Variants in KCNT2 observed in about 807,000 individuals in gnomAD.
KCNT2 encodes potassium channel subfamily T member 2.
KCNT2 carries 67 observed loss-of-function variants against 153.8 expected under a neutral mutation model. That is an observed-to-expected ratio of 0.44 (90% CI 0.36 to 0.53). The LOEUF is 0.53. KCNT2 is among the 20% of genes least tolerant of loss of function. The pLI is 0.00. For missense variants in KCNT2, 975 were observed against 1,354.8 expected, an observed-to-expected ratio of 0.72 and a Z score of 4.40; for synonymous variants, 500 against 458.8, an observed-to-expected ratio of 1.09 and a Z score of -1.15.
Position 196,531,045 on chromosome 1 carries a change from A to C in KCNT2, c.96-38704T>G, listed in dbSNP as rs145567230. Among the ~76,000 whole-genome samples, 256 of 152,242 alleles carry C rather than the reference A, an allele frequency of 1.7e-3. 1 individual carries two copies. The highest frequency in any genetic ancestry group is 5.9e-3 in the African/African-American group (245 of 41,562). ...GTAAATAGTAATTTTACACAACATA[A>C]GTTCTTGAACTTATCACTGCCCGGA... On this transcript the variant is annotated intron_variant, in intron 1 of 27. Transcript: ENST00000294725.
intron 1 of KCNT2, among the ~76,000 whole-genome samples, chr1:196,574,454 G>T (rs1299969500): frequency 3.3e-5 from 5 of 151,694 alleles, no homozygotes; most frequent in Non-Finnish European, 7.4e-5. Flanking sequence ...CAACTAACCA[G>T]GAAGTAGGTA....
intron 1 of KCNT2, among the ~76,000 whole-genome samples, chr1:196,596,005 C>T (rs534242625): frequency 6.7e-6 from 1 of 148,354 alleles, no homozygotes; most frequent in South Asian, 2.1e-4. Flanking sequence ...CAAGTTGCTC[C>T]AAAAGACATT....
chr1:196,426,082 T>A, intron 10 of KCNT2, 94 bp from the exon 11 acceptor site: 3 of 931,306 alleles, frequency 3.2e-6, no homozygotes, highest in Non-Finnish European at 4.8e-6. Context: ...ATTTGAAATA[T>A]GATAAAACTG....
At chr1:196,253,210 T>A (rs960484225) in intron 26 of KCNT2, among the ~76,000 whole-genome samples, 2 of 151,398 alleles carry the variant, frequency 1.3e-5, no homozygotes, top group African/African-American at 4.8e-5. Context: ...ATTGTCCCAC[T>A]GGTAACTAAC....
rs1444996322 is a variant in KCNT2, at chr1:196,326,736, C to T, written c.2257G>A (p.Val753Ile). Residue 753 changes from valine (V) to isoleucine (I), a missense_variant, in exon 19 of 28, where the codon GTA (valine) becomes ATA (isoleucine). This residue lies in a region of KCNT2 where 325 missense variants were observed against 388.1 expected (regional missense o/e 0.84). Transcript: ENST00000294725. ...YRPKKELNPIVLLLDNPPDMH... is the reference protein window; with the variant it reads ...YRPKKELNPIILLLDNPPDMH... ...ACTTACGGGTTATCCAATAGCAGTA[C>T]TATGGGATTAAGTTCTTTCTTTGGT... 1.3e-6 allele frequency: 2 copies of T among 1,542,636 alleles called. No homozygotes were observed. The highest frequency in any genetic ancestry group is 1.2e-5 in the South Asian group (1 of 80,124).
At chr1:196,492,485 T>C (rs1430061522) in intron 1 of KCNT2, 144 bp from the exon 2 acceptor site, 2 of 671,528 alleles carry the variant, frequency 3.0e-6, no homozygotes, top group Admixed American at 5.0e-5. Context: ...ATTTAATGCA[T>C]TATGTATTTT....
intron 8 of KCNT2, among the ~76,000 whole-genome samples, chr1:196,444,513 C>T (rs1441166159): frequency 6.6e-6 from 1 of 151,068 alleles, no homozygotes; most frequent in East Asian, 2.0e-4. Context: ...GTTTCAACAT[C>T]GTGACCAGTT....
chr1:196,402,134 A>T (rs1201123926), intron 12 of KCNT2, among the ~76,000 whole-genome samples: 1 of 151,566 alleles, frequency 6.6e-6, no homozygotes, highest in Non-Finnish European at 1.5e-5. Flanking sequence ...CCTTATTCTA[A>T]AATAAGGAAA....
intron 25 of KCNT2, among the ~76,000 whole-genome samples, chr1:196,266,036 T>C (rs1043509351): frequency 2.0e-5 from 3 of 151,714 alleles, no homozygotes; most frequent in Non-Finnish European, 2.9e-5. Context: ...CAAAACTGGA[T>C]ATAGGAGGAA....
intron 23 of KCNT2, among the ~76,000 whole-genome samples, chr1:196,284,248 A>AAAAAAAAAAATATAT: frequency 2.0e-4 from 2 of 10,050 alleles, no homozygotes; most frequent in African/African-American, 2.7e-4. Context: ...AAAAAAAAAA[A>AAAAAAAAAAATATAT]ATATATATAT....
At chr1:196,509,493 T>A (rs1245744585) in intron 1 of KCNT2, among the ~76,000 whole-genome samples, 1 of 152,196 alleles carries the variant, frequency 6.6e-6, no homozygotes, top group Admixed American at 6.5e-5. Context: ...ATGTCAGTGA[T>A]CAGTTTTATA....
At chr1:196,591,227 C>T (rs1419214604) in intron 1 of KCNT2, among the ~76,000 whole-genome samples, 1 of 152,082 alleles carries the variant, frequency 6.6e-6, no homozygotes, top group African/African-American at 2.4e-5. Context: ...CTGGCACCTC[C>T]TTTCTCTCTT....
intron 4 of KCNT2, among the ~76,000 whole-genome samples, chr1:196,480,411 T>C (rs1312764171): frequency 6.6e-6 from 1 of 152,164 alleles, no homozygotes; most frequent in East Asian, 1.9e-4. Context: ...GTATGTGCAG[T>C]AGCCAGGCAT....
intron 5 of KCNT2, among the ~76,000 whole-genome samples, chr1:196,473,591 G>A (rs1460302835): frequency 6.6e-6 from 1 of 152,058 alleles, no homozygotes; most frequent in Non-Finnish European, 1.5e-5. Flanking sequence ...TGTACAGTGG[G>A]GCAATGTATT....
At chr1:196,527,213 GAAGAAGC>G (rs1420056363) in intron 1 of KCNT2, among the ~76,000 whole-genome samples, 2 of 152,140 alleles carry the variant, frequency 1.3e-5, no homozygotes, top group South Asian at 2.1e-4. Flanking sequence ...TCTTCTTGTA[GAAGAAGC>G]AAAAGAGCGT....
chr1:196,340,800 A>G (rs1269505788), intron 15 of KCNT2, among the ~76,000 whole-genome samples: 1 of 152,064 alleles, frequency 6.6e-6, no homozygotes, highest in African/African-American at 2.4e-5. Context: ...GAAGAACATA[A>G]GAAACATGAG....
chr1:196,433,815 T>C (rs1403162747), intron 8 of KCNT2, among the ~76,000 whole-genome samples: 1 of 152,008 alleles, frequency 6.6e-6, no homozygotes, highest in Non-Finnish European at 1.5e-5. Flanking sequence ...TGTATATATA[T>C]ATATATTGGT....
At chr1:196,593,899 A>C (rs1346544426) in intron 1 of KCNT2, among the ~76,000 whole-genome samples, 1 of 152,098 alleles carries the variant, frequency 6.6e-6, no homozygotes, top group Non-Finnish European at 1.5e-5. Context: ...CTTTATTCAT[A>C]CTAACACTGC....
intron 21 of KCNT2, among the ~76,000 whole-genome samples, chr1:196,308,641 G>A (rs557370263): frequency 6.6e-6 from 1 of 152,030 alleles, no homozygotes; most frequent in South Asian, 2.1e-4. Flanking sequence ...CCAATTATTA[G>A]TTTATAGATG....
Sources: allele counts gnomAD v4.1 joint callset (sites outside exome capture counted in the v4.1 genomes callset), GRCh38; gene constraint gnomAD v4.1.1; regional missense constraint gnomAD v4.1.1; transcripts MANE v1.5; gene names NCBI Gene and HGNC (gene_info 2026-07-23, HGNC 2026-07-21).